Variants in FAM81B observed in about 807,000 individuals in gnomAD.
FAM81B encodes protein FAM81B.
FAM81B carries 60 observed loss-of-function variants against 58.7 expected under a neutral mutation model. The observed-to-expected ratio is 1.02, with a 90% CI of 0.83 to 1.27. The LOEUF (loss-of-function observed/expected upper bound fraction) is 1.27. Among genes scored for constraint, FAM81B ranks in the 50% most tolerant of loss-of-function variants. The probability of loss-of-function intolerance (pLI) is 0.00; values close to 1 mark genes in which losing one functional copy is unlikely to be tolerated. For synonymous variants in FAM81B, 189 were observed against 179.6 expected, an observed-to-expected ratio of 1.05 and a Z score of -0.42; for missense variants, 491 against 522.0, an observed-to-expected ratio of 0.94 and a Z score of 0.58.
rs187088379 is a variant in FAM81B at position 95,432,126 on chromosome 5, A to G, written c.786+3394A>G. On this transcript the variant is annotated intron_variant, in intron 6 of 9. Coordinates refer to ENST00000283357, the MANE Select transcript of FAM81B (RefSeq NM_152548.3). ...TTATTGAATTTTTTAGAAATCAAAA[A>G]CGATTATTGAATTTTATCAAATACC... Among the ~76,000 whole-genome samples the G allele has an allele frequency of 3.9e-4, 59 of 152,194 alleles. No individual in the cohort carries two copies. The East Asian group carries it at 9.6e-3, about 25-fold the overall frequency.
intron 2 of FAM81B, among the ~76,000 whole-genome samples, chr5:95,393,499 G>A (rs1181391415): frequency 2.0e-5 from 3 of 152,118 alleles, no homozygotes; most frequent in Non-Finnish European, 2.9e-5. Context: ...TGTAAAATGG[G>A]TGAATTAGGC....
At chr5:95,436,330 G>T (rs1745099562) in intron 6 of FAM81B, among the ~76,000 whole-genome samples, 1 of 152,144 alleles carries the variant, frequency 6.6e-6, no homozygotes, top group African/African-American at 2.4e-5. Context: ...TTTCCTCAGA[G>T]CCTGATTGTG....
intron 9 of FAM81B, 35 bp downstream of exon 9, chr5:95,448,499 T>C (rs1416181325): frequency 1.3e-6 from 2 of 1,548,342 alleles, no homozygotes; most frequent in Admixed American, 4.1e-5. Flanking sequence ...AAAGAATATC[T>C]GTCCTTTCCT....
intron 6 of FAM81B, among the ~76,000 whole-genome samples, chr5:95,430,613 C>T (rs552161703): frequency 1.3e-5 from 2 of 152,086 alleles, no homozygotes; most frequent in African/African-American, 4.8e-5. Flanking sequence ...TCAAACAATG[C>T]TGCAATGAAT....
intron 4 of FAM81B, among the ~76,000 whole-genome samples, chr5:95,415,876 A>G (rs550368377): frequency 6.6e-6 from 1 of 152,238 alleles, no homozygotes; most frequent in African/African-American, 2.4e-5. Flanking sequence ...GTAAAATACT[A>G]TTAGCAATAA....
At chr5:95,431,133 C>G (rs905132793) in intron 6 of FAM81B, among the ~76,000 whole-genome samples, 1 of 152,020 alleles carries the variant, frequency 6.6e-6, no homozygotes, top group Non-Finnish European at 1.5e-5. Flanking sequence ...CCCAGTTTGT[C>G]ATAGGTCTTT....
intron 3 of FAM81B, among the ~76,000 whole-genome samples, chr5:95,411,171 T>C (rs1762395821): frequency 6.6e-6 from 1 of 152,212 alleles, no homozygotes; most frequent in Non-Finnish European, 1.5e-5. Flanking sequence ...TTGGGGACTA[T>C]ATAAGCAAGT....
intron 7 of FAM81B, among the ~76,000 whole-genome samples, chr5:95,441,785 C>T (rs1037847034): frequency 4.6e-5 from 7 of 152,050 alleles, no homozygotes; most frequent in African/African-American, 1.7e-4. Context: ...TGCACTGAAC[C>T]CCTCCACTGT....
Position 95,392,882 on chromosome 5 carries a change from T to C in FAM81B, c.213T>C (p.Asn71=), listed in dbSNP as rs1761865503. Residue 71 remains asparagine, a synonymous_variant, in exon 2 of 10, where the codon AAT becomes AAC. Transcript: ENST00000283357. ...EPDGPLPGSD[N]NQEKKVRLSP... Reference sequence around the variant, plus strand: ...ATGGCCCCCTTCCTGGCTCAGACAATAACCAAGAAAAGAAAGCAAGTACTT... The same window carrying C: ...ATGGCCCCCTTCCTGGCTCAGACAACAACCAAGAAAAGAAAGCAAGTACTT... The C allele has an allele frequency of 1.2e-6, 2 of 1,607,916 alleles. No individual in the cohort carries two copies. The highest frequency in any genetic ancestry group is 1.3e-5 in the African/African-American group (1 of 74,548).
rs73778842 is a variant in FAM81B at position 95,434,641 on chromosome 5, C to T, written c.787-2159C>T. ...CTTTTCGAGCCCATTCTGCCTCCCA[C>T]AATTTGTCAATTTCTTCATCCTGCT... On this transcript the variant is annotated intron_variant, in intron 6 of 9. Transcript: ENST00000283357. Among the ~76,000 whole-genome samples, 1,224 of 152,332 alleles carry T rather than the reference C, an allele frequency of 8.0e-3. 16 individuals are homozygous for T. Among genetic ancestry groups the T allele is most frequent in the African/African-American group, 0.028 (1,150 of 41,572 alleles).
rs372676686 is a variant in FAM81B at position 95,414,020 on chromosome 5, C to T, written c.367C>T (p.Arg123Cys). The part of the protein sequence containing the change: ...QLEDRLNNQA[R>C]TIAFLLEQAF... ...AGAAGACAGACTGAACAACCAGGCGCGTACCATAGCTTTCCTTCTTGAACA... is the reference window on the plus strand; with the variant it reads ...AGAAGACAGACTGAACAACCAGGCGTGTACCATAGCTTTCCTTCTTGAACA... Residue 123 changes from arginine to cysteine, a missense_variant, in exon 4 of 10, where the codon CGT becomes TGT. Transcript: ENST00000283357. 1.4e-5 allele frequency: 23 copies of T among 1,613,938 alleles called. No homozygotes were observed. The highest frequency in any genetic ancestry group is 1.6e-4 in the Middle Eastern group (1 of 6,084).
chr5:95,424,327 A>C, intron 5 of FAM81B: 1 of 937,698 alleles, frequency 1.1e-6, no homozygotes, highest in Non-Finnish European at 1.5e-6. Context: ...TAGATACATA[A>C]AACATAAGCA....
chr5:95,410,043 A>G (rs1762366368), intron 3 of FAM81B, among the ~76,000 whole-genome samples: 1 of 152,240 alleles, frequency 6.6e-6, no homozygotes, highest in Non-Finnish European at 1.5e-5. Flanking sequence ...AGGTGGCTAT[A>G]TGACATAGCT....
chr5:95,423,298 G>C (rs1762734571), intron 5 of FAM81B, among the ~76,000 whole-genome samples: 1 of 152,058 alleles, frequency 6.6e-6, no homozygotes, highest in African/African-American at 2.4e-5. Flanking sequence ...AATGAGATGA[G>C]GCTCCCAAAG....
At chr5:95,407,453 T>C (rs1425523780) in intron 3 of FAM81B, among the ~76,000 whole-genome samples, 1 of 151,990 alleles carries the variant, frequency 6.6e-6, no homozygotes, top group Admixed American at 6.6e-5. Context: ...CACGCACACC[T>C]GCCAGCTCAG....
chr5:95,434,662 C>T (rs1356589370), intron 6 of FAM81B, among the ~76,000 whole-genome samples: 2 of 152,242 alleles, frequency 1.3e-5, no homozygotes, highest in Admixed American at 1.3e-4. Flanking sequence ...TTTCTTCATC[C>T]TGCTTTCCTT....
At chr5:95,441,975 AG>A (rs139724706) in intron 7 of FAM81B, among the ~76,000 whole-genome samples, 5,116 of 152,366 alleles carry the variant, frequency 0.034, 112 homozygotes, top group Non-Finnish European at 0.048. Flanking sequence ...ACGCTTGTTT[AG>A]TAGACAGTGA....
At chr5:95,448,671 C>T (rs1377134334) in intron 9 of FAM81B, 10 of 599,060 alleles carry the variant, frequency 1.7e-5, no homozygotes, top group Non-Finnish European at 2.7e-5. Context: ...TTGGCAATGT[C>T]ACAGGCCTGC....
rs372772721 is a variant in FAM81B at position 95,414,003 on chromosome 5, G to A, written c.350G>A (p.Arg117Lys). 1 of 1,614,044 alleles carries A rather than the reference G, an allele frequency of 6.2e-7. No homozygotes were observed. The highest frequency in any genetic ancestry group is 8.5e-7 in the Non-Finnish European group (1 of 1,180,002). The change falls in exon 4 of 10, where the codon AGA (arginine) becomes AAA (lysine). Residue 117 changes from arginine (R) to lysine (K), a missense_variant. Transcript: ENST00000283357. ...ACCCAGAGAGGTCAGCTAGAAGACAGACTGAACAACCAGGCGCGTACCATA... is the reference window on the plus strand; with the variant it reads ...ACCCAGAGAGGTCAGCTAGAAGACAAACTGAACAACCAGGCGCGTACCATA... ...PNTQRGQLED[R>K]LNNQARTIAF...
Sources: gnomAD v4.1 joint callset for allele counts (sites outside exome capture counted in the v4.1 genomes callset) on GRCh38, gnomAD v4.1.1 for gene constraint, MANE v1.5 for transcripts, NCBI Gene and HGNC (gene_info 2026-07-23, HGNC 2026-07-21) for gene names.